Variants in ZNF385D observed in about 807,000 individuals in gnomAD.
ZNF385D encodes the protein zinc finger protein 659.
In ZNF385D, 15 loss-of-function variants were observed where a neutral mutation model predicts 35.8. The ratio of observed to expected loss-of-function variants is 0.42; its 90% CI spans 0.28 to 0.64. The LOEUF is 0.64. Ranked by LOEUF, ZNF385D falls within the 30% of genes least tolerant of loss-of-function variation. ZNF385D has a pLI of 0.23. For synonymous variants in ZNF385D, 212 were observed against 186.8 expected (o/e 1.13, Z -1.10); for missense variants, 474 against 494.6 (o/e 0.96, Z 0.39).
In ZNF385D at chr3:22,086,729, T is replaced by A. The variant is rs551765054; in HGVS notation, c.325+82088A>T. 1.7e-4 allele frequency among the ~76,000 whole-genome samples: 26 copies of A among 152,256 alleles called. No homozygotes were observed. In the East Asian group the frequency reaches 3.3e-3, roughly 19 times the overall value. ...CTGGATTAAGAAAATATGGCACATATACACCATGGAATACTATGCAGCCAT... is the reference window on the plus strand; with the variant it reads ...CTGGATTAAGAAAATATGGCACATAAACACCATGGAATACTATGCAGCCAT... On this transcript the variant is annotated intron_variant, in intron 3 of 5. Transcript: ENST00000494108.
intron 1 of ZNF385D, among the ~76,000 whole-genome samples, chr3:21,698,441 T>C (rs906643470): frequency 6.6e-6 from 1 of 152,094 alleles, no homozygotes; most frequent in Non-Finnish European, 1.5e-5. Context: ...TAATAGACCC[T>C]GGGGACTCCA....
chr3:22,196,919 T>C (rs895925762), intron 2 of ZNF385D, among the ~76,000 whole-genome samples: 7 of 152,042 alleles, frequency 4.6e-5, no homozygotes, highest in African/African-American at 1.7e-4. Flanking sequence ...TTCTTTCACT[T>C]TTCTTTGCCC....
At chr3:21,506,266 C>G (rs1302880510) in intron 4 of ZNF385D, among the ~76,000 whole-genome samples, 1 of 152,144 alleles carries the variant, frequency 6.6e-6, no homozygotes, top group South Asian at 2.1e-4. Flanking sequence ...ATAGAATTCT[C>G]CAGCTAGTGG....
chr3:21,764,278 A>G (rs2070739436), intron 3 of ZNF385D, among the ~76,000 whole-genome samples: 1 of 152,164 alleles, frequency 6.6e-6, no homozygotes. Flanking sequence ...GGAGAGTGGT[A>G]TAGTATTAGT....
At chr3:21,977,840 A>T (rs1470804433) in intron 3 of ZNF385D, among the ~76,000 whole-genome samples, 1 of 152,068 alleles carries the variant, frequency 6.6e-6, no homozygotes. Context: ...TGTCTCTAAA[A>T]AAAGGAAAAC....
intron 2 of ZNF385D, among the ~76,000 whole-genome samples, chr3:22,367,929 G>C (rs548881213): frequency 1.7e-4 from 26 of 152,272 alleles, no homozygotes; most frequent in African/African-American, 6.0e-4. Flanking sequence ...TTATTCTCAT[G>C]GGGACAAATA....
At chr3:21,538,101 C>T (rs2062079743) in intron 3 of ZNF385D, among the ~76,000 whole-genome samples, 1 of 151,944 alleles carries the variant, frequency 6.6e-6, no homozygotes, top group African/African-American at 2.4e-5. Flanking sequence ...CCAGTGGAAC[C>T]AGAGGGATGG....
chr3:21,907,355 C>T (rs488424), intron 3 of ZNF385D, among the ~76,000 whole-genome samples: 31,224 of 151,916 alleles, frequency 0.21, 3,235 homozygotes, highest in Middle Eastern at 0.3. Context: ...TAAATTGTTA[C>T]TATAAAATGG....
chr3:22,107,804 C>T (rs578075711), intron 3 of ZNF385D, among the ~76,000 whole-genome samples: 148 of 151,778 alleles, frequency 9.8e-4, no homozygotes, highest in African/African-American at 3.5e-3. Flanking sequence ...ATTAATAGTG[C>T]TTGTTTATGT....
intron 2 of ZNF385D, among the ~76,000 whole-genome samples, chr3:21,580,626 C>T (rs2063627880): frequency 6.6e-6 from 1 of 151,868 alleles, no homozygotes; most frequent in East Asian, 1.9e-4. Context: ...TATGGAATGG[C>T]TTTTATACAC....
intron 2 of ZNF385D, among the ~76,000 whole-genome samples, chr3:22,351,316 C>T (rs1398059048): frequency 6.6e-6 from 1 of 152,024 alleles, no homozygotes; most frequent in Non-Finnish European, 1.5e-5. Context: ...TATATATCTA[C>T]CTGTTTTTTC....
intron 2 of ZNF385D, among the ~76,000 whole-genome samples, chr3:22,324,231 A>C (rs1694572557): frequency 6.6e-6 from 1 of 152,206 alleles, no homozygotes; most frequent in Non-Finnish European, 1.5e-5. Context: ...AGTAATGTTC[A>C]GCACATTATA....
intron 3 of ZNF385D, among the ~76,000 whole-genome samples, chr3:22,065,537 C>G (rs1016105572): frequency 9.2e-5 from 14 of 152,080 alleles, no homozygotes; most frequent in African/African-American, 3.4e-4. Context: ...CAATAGCATC[C>G]AGATGTGAGC....
At chr3:21,711,884 C>G (rs1056792525) in intron 1 of ZNF385D, among the ~76,000 whole-genome samples, 4 of 152,152 alleles carry the variant, frequency 2.6e-5, no homozygotes, top group African/African-American at 4.8e-5. Flanking sequence ...GACAATCCTA[C>G]AGAATACAAG....
intron 2 of ZNF385D, among the ~76,000 whole-genome samples, chr3:22,209,365 A>G (rs778027945): frequency 6.6e-6 from 1 of 151,928 alleles, no homozygotes; most frequent in Non-Finnish European, 1.5e-5. Context: ...CGAATACAAT[A>G]GGAGTTGATT....
chr3:21,614,693 A>G (rs780182676), intron 2 of ZNF385D, among the ~76,000 whole-genome samples: 12 of 152,144 alleles, frequency 7.9e-5, no homozygotes, highest in Admixed American at 7.9e-4. Context: ...GGTTCAAGCA[A>G]TTCTCCTGCC....
chr3:22,171,163 C>T (rs2125761686), intron 2 of ZNF385D, among the ~76,000 whole-genome samples: 1 of 152,242 alleles, frequency 6.6e-6, no homozygotes, highest in Non-Finnish European at 1.5e-5. Flanking sequence ...GAACTTATTT[C>T]CTCCAGCGTG....
chr3:22,129,911 G>C (rs1009653036), intron 3 of ZNF385D, among the ~76,000 whole-genome samples: 1 of 152,084 alleles, frequency 6.6e-6, no homozygotes, highest in Non-Finnish European at 1.5e-5. Flanking sequence ...CCACAGCTGG[G>C]AGTGTCCTGG....
intron 2 of ZNF385D, among the ~76,000 whole-genome samples, chr3:21,614,089 T>C (rs1163166794): frequency 6.6e-6 from 1 of 152,190 alleles, no homozygotes; most frequent in Non-Finnish European, 1.5e-5. Context: ...TGTATTAGTT[T>C]TCTAGGGCTG....
Sources: gnomAD v4.1 joint callset for allele counts (sites outside exome capture counted in the v4.1 genomes callset) on GRCh38, gnomAD v4.1.1 for gene constraint, MANE v1.5 for transcripts, NCBI Gene and HGNC (gene_info 2026-07-23, HGNC 2026-07-21) for gene names.